Variants in ABTB3 observed in about 807,000 individuals in gnomAD.
The protein encoded by ABTB3 is ankyrin repeat and BTB domain containing 3.
At chr12:107,642,234 G>A in the ABTB3 span, 1 of 1,489,516 alleles carries the variant, frequency 6.7e-7, no homozygotes, top group Non-Finnish European at 9.4e-7. Context: ...GGTTGCCTCA[G>A]ATCCTCAGCC....
the ABTB3 span, among the ~76,000 whole-genome samples, chr12:107,585,578 G>A: frequency 6.6e-6 from 1 of 152,182 alleles, no homozygotes; most frequent in Non-Finnish European, 1.5e-5. Flanking sequence ...GAAACTTGGC[G>A]GGGGTCAGGG....
the ABTB3 span, among the ~76,000 whole-genome samples, chr12:107,608,053 C>T: frequency 3.3e-5 from 5 of 152,144 alleles, no homozygotes; most frequent in Admixed American, 2.6e-4. Context: ...TTCCCGCCCT[C>T]GGAGTCAGCA....
the ABTB3 span, among the ~76,000 whole-genome samples, chr12:107,345,892 G>A: frequency 2.6e-5 from 4 of 152,136 alleles, no homozygotes; most frequent in Admixed American, 6.5e-5. Context: ...TGCTCTTTTC[G>A]TTCAATAGTT....
At chr12:107,564,090 C>CTCTGTG in the ABTB3 span, among the ~76,000 whole-genome samples, 429 of 126,438 alleles carry the variant, frequency 3.4e-3, 1 homozygote, top group Non-Finnish European at 5.0e-3. Context: ...ATCTATCTCT[C>CTCTGTG]TGTGTGTGTG....
chr12:107,412,856 C>T, the ABTB3 span, among the ~76,000 whole-genome samples: 1 of 152,072 alleles, frequency 6.6e-6, no homozygotes, highest in African/African-American at 2.4e-5. Context: ...ATAGGATCAT[C>T]AGGATCATGT....
At chr12:107,357,300 T>C in the ABTB3 span, among the ~76,000 whole-genome samples, 1 of 152,152 alleles carries the variant, frequency 6.6e-6, no homozygotes, top group Non-Finnish European at 1.5e-5. Context: ...TCAGCATCCT[T>C]CTCTACCCAA....
At chr12:107,590,789 A>T in the ABTB3 span, among the ~76,000 whole-genome samples, 2 of 152,294 alleles carry the variant, frequency 1.3e-5, no homozygotes, top group East Asian at 3.9e-4. Context: ...TGTTGAGGGT[A>T]TGTAGTTTGC....
At chr12:107,447,152 T>G in the ABTB3 span, among the ~76,000 whole-genome samples, 1 of 152,064 alleles carries the variant, frequency 6.6e-6, no homozygotes, top group African/African-American at 2.4e-5. Flanking sequence ...TTTTTTTTTC[T>G]TTTTTTGAGA....
chr12:107,442,293 C>G, the ABTB3 span, among the ~76,000 whole-genome samples: 1,841 of 152,190 alleles, frequency 0.012, 36 homozygotes, highest in African/African-American at 0.042. Context: ...AATTCGGGTC[C>G]TATTAGAATT....
chr12:107,644,972 C>CTTTTTTTTTTTT, the ABTB3 span, among the ~76,000 whole-genome samples: 1 of 127,194 alleles, frequency 7.9e-6, no homozygotes, highest in Non-Finnish European at 1.6e-5. Flanking sequence ...TCAAAATTCA[C>CTTTTTTTTTTTT]TTTTTTTTTT....
the ABTB3 span, among the ~76,000 whole-genome samples, chr12:107,449,439 C>T: frequency 1.3e-5 from 2 of 152,138 alleles, no homozygotes; most frequent in Admixed American, 1.3e-4. Flanking sequence ...CTTTCACTGC[C>T]TAAATTTTTC....
the ABTB3 span, chr12:107,617,132 A>C: frequency 2.5e-6 from 4 of 1,614,168 alleles, no homozygotes; most frequent in Non-Finnish European, 2.5e-6. Context: ...TCAGTGGAGC[A>C]TGGCGAGGAG....
chr12:107,360,878 T>A, the ABTB3 span, among the ~76,000 whole-genome samples: 2 of 151,834 alleles, frequency 1.3e-5, no homozygotes, highest in South Asian at 4.2e-4. Flanking sequence ...CTCAGCCTCC[T>A]GAGTAGCTGG....
the ABTB3 span, among the ~76,000 whole-genome samples, chr12:107,382,375 G>C: frequency 6.6e-6 from 1 of 152,206 alleles, no homozygotes; most frequent in Admixed American, 6.5e-5. Flanking sequence ...ATGTTTCTAC[G>C]TGTGGTGGGA....
At chr12:107,367,151 C>T in the ABTB3 span, among the ~76,000 whole-genome samples, 1 of 152,114 alleles carries the variant, frequency 6.6e-6, no homozygotes, top group Admixed American at 6.5e-5. Flanking sequence ...AGGTGCCTTC[C>T]CCGGATCACA....
the ABTB3 span, among the ~76,000 whole-genome samples, chr12:107,352,819 G>T: frequency 6.6e-6 from 1 of 152,148 alleles, no homozygotes; most frequent in Non-Finnish European, 1.5e-5. Flanking sequence ...GAGGCAGTGG[G>T]GTTGGAGAGA....
the ABTB3 span, among the ~76,000 whole-genome samples, chr12:107,417,537 C>T: frequency 6.6e-6 from 1 of 152,214 alleles, no homozygotes; most frequent in South Asian, 2.1e-4. Flanking sequence ...GGACTTTGAC[C>T]ACCATTTAGC....
chr12:107,616,106 T>C, the ABTB3 span, among the ~76,000 whole-genome samples: 78 of 152,260 alleles, frequency 5.1e-4, 1 homozygote, highest in Middle Eastern at 0.01. Flanking sequence ...CTTCTGCCTA[T>C]AGAACAGTAT....
the ABTB3 span, among the ~76,000 whole-genome samples, chr12:107,497,841 A>G: frequency 6.6e-6 from 1 of 152,048 alleles, no homozygotes; most frequent in Non-Finnish European, 1.5e-5. Context: ...ACTCATTCCC[A>G]CCTCAACTCT....
Sources: allele counts gnomAD v4.1 joint callset (sites outside exome capture counted in the v4.1 genomes callset), GRCh38; gene constraint gnomAD v4.1.1; transcripts MANE v1.5; gene names NCBI Gene and HGNC (gene_info 2026-07-23, HGNC 2026-07-21).